The following TSPEAR variants were observed in gnomAD, a reference collection of about 807,000 sequenced individuals.
TSPEAR encodes thrombospondin type laminin G domain and EAR repeats.
In TSPEAR, 69 loss-of-function variants were observed where a neutral mutation model predicts 71.6. The observed-to-expected ratio is 0.96, with a 90% confidence interval of 0.79 to 1.18. The LOEUF is 1.18. Among genes scored for constraint, TSPEAR ranks in the 50% most tolerant of loss-of-function variants. The pLI is 0.00. For synonymous variants in TSPEAR, 402 were observed against 387.2 expected (o/e 1.04, Z -0.45); for missense variants, 971 against 894.9 (o/e 1.09, Z -1.09).
chr21:44,614,232 C>T (rs1981920090), intron 1 of TSPEAR, among the ~76,000 whole-genome samples: 1 of 152,260 alleles, frequency 6.6e-6, no homozygotes, highest in South Asian at 2.1e-4. Context: ...TACACCCATT[C>T]AAGCACAGCA....
intron 1 of TSPEAR, chr21:44,647,021 G>T (rs1213458165): frequency 6.2e-7 from 1 of 1,612,716 alleles, no homozygotes; most frequent in Non-Finnish European, 8.5e-7. Flanking sequence ...CAGCAGGCCT[G>T]CTGCGTGCCT....
rs374059015 is a variant in TSPEAR at position 44,645,888 on chromosome 21, C to A, written c.82+65545G>T. 5.3e-5 allele frequency among the ~76,000 whole-genome samples: 8 copies of A among 151,660 alleles called. No individual in the cohort carries two copies. The South Asian group carries it at 8.4e-4, about 16-fold the overall frequency. On this transcript the variant is annotated intron_variant, in intron 1 of 11. Coordinates refer to ENST00000323084, the MANE Select transcript of TSPEAR (RefSeq NM_144991.3). Reference sequence around the variant, plus strand: ...GACGCGGTGGCTCACGCCTGTAATCCCAGCACTTTGGGAGGCTGAGGCGGG... The same window carrying A: ...GACGCGGTGGCTCACGCCTGTAATCACAGCACTTTGGGAGGCTGAGGCGGG...
At chr21:44,627,309 C>T (rs1555934590) in intron 1 of TSPEAR, 2 of 1,612,838 alleles carry the variant, frequency 1.2e-6, no homozygotes, top group Non-Finnish European at 1.7e-6. Context: ...TGACCCTGGT[C>T]TGCACCCCAG....
intron 1 of TSPEAR, among the ~76,000 whole-genome samples, chr21:44,626,517 G>A (rs1001565038): frequency 6.9e-6 from 1 of 145,982 alleles, no homozygotes; most frequent in Non-Finnish European, 1.5e-5. Context: ...TGCTGCCATT[G>A]TGCCTCAGCA....
At chr21:44,522,364 G>A (rs1158968121) in intron 8 of TSPEAR, among the ~76,000 whole-genome samples, 2 of 152,236 alleles carry the variant, frequency 1.3e-5, no homozygotes, top group African/African-American at 4.8e-5. Context: ...CCTTGGGACA[G>A]GTGTACATCT....
chr21:44,549,515 A>C (rs1381262203), intron 2 of TSPEAR, among the ~76,000 whole-genome samples: 1 of 152,028 alleles, frequency 6.6e-6, no homozygotes, highest in Non-Finnish European at 1.5e-5. Context: ...CAACCCGGAC[A>C]AAAAAAAGAA....
chr21:44,703,284 C>T (rs1288714348), intron 1 of TSPEAR, among the ~76,000 whole-genome samples: 3 of 152,258 alleles, frequency 2.0e-5, no homozygotes, highest in African/African-American at 7.2e-5. Flanking sequence ...GAGTTCCCGG[C>T]TCCCATCCCC....
intron 1 of TSPEAR, among the ~76,000 whole-genome samples, chr21:44,571,919 G>A (rs1451631783): frequency 1.3e-5 from 2 of 152,240 alleles, no homozygotes; most frequent in Non-Finnish European, 2.9e-5. Context: ...ATCCTCAACA[G>A]AGCCCCACAG....
chr21:44,670,743 G>A (rs1986016047), intron 1 of TSPEAR, among the ~76,000 whole-genome samples: 1 of 152,144 alleles, frequency 6.6e-6, no homozygotes, highest in South Asian at 2.1e-4. Context: ...ACCAGGTCCT[G>A]AGCAGCTGTA....
intron 1 of TSPEAR, chr21:44,676,795 A>G: frequency 1.3e-5 from 12 of 902,376 alleles, no homozygotes; most frequent in South Asian, 5.2e-5. Context: ...TGCTTTTGCT[A>G]CTACAGAGTC....
intron 9 of TSPEAR, among the ~76,000 whole-genome samples, chr21:44,512,473 A>G (rs2052419413): frequency 6.6e-6 from 1 of 152,094 alleles, no homozygotes; most frequent in African/African-American, 2.4e-5. Context: ...GACCACTCAG[A>G]GAACCTGGTA....
Position 44,604,372 on chromosome 21 carries a change from C to T in TSPEAR, c.83-36367G>A, listed in dbSNP as rs75619475. ...GAAACGAATAAAAGAGATGGAAATA[C>T]GCAATTATAGGATAAGATGTCCAAT... On this transcript the variant is annotated intron_variant, in intron 1 of 11. Transcript: ENST00000323084. Among the ~76,000 whole-genome samples the T allele has an allele frequency of 3.3e-3, 502 of 151,994 alleles. 3 individuals are homozygous for T. Among genetic ancestry groups the T allele is most frequent in the African/African-American group, 0.011 (469 of 41,458 alleles).
chr21:44,593,277 T>C lies in TSPEAR; in HGVS notation c.83-25272A>G, dbSNP rs1179829634. ...CGCCTGGGGTGGCTCCTCTGTGTGCTCTGCTTCTCCGAGGCTGCCCGTCAG... is the reference window on the plus strand; with the variant it reads ...CGCCTGGGGTGGCTCCTCTGTGTGCCCTGCTTCTCCGAGGCTGCCCGTCAG... On this transcript the variant is annotated intron_variant, in intron 1 of 11. Transcript: ENST00000323084. This position sits in a 1 kb window ranked among gnomAD's most constrained non-coding sequence, Gnocchi z 5.9. Among the ~76,000 whole-genome samples, 1 of 152,144 alleles carries C rather than the reference T, an allele frequency of 6.6e-6. No homozygotes were observed. The highest frequency in any genetic ancestry group is 1.5e-5 in the Non-Finnish European group (1 of 68,022).
At chr21:44,568,341 G>C (rs765142140) in intron 1 of TSPEAR, among the ~76,000 whole-genome samples, 1 of 152,178 alleles carries the variant, frequency 6.6e-6, no homozygotes, top group African/African-American at 2.4e-5. Flanking sequence ...AGGAAGGAAC[G>C]CATGGCCCCA....
rs920557873 is a variant in TSPEAR, at chr21:44,619,162, G to A, written c.83-51157C>T. Among the ~76,000 whole-genome samples, 19 of 152,340 alleles carry A rather than the reference G, an allele frequency of 1.2e-4. 1 individual carries two copies. The highest frequency in any genetic ancestry group is 1.2e-3 in the South Asian group (6 of 4,832). On this transcript the variant is annotated intron_variant, in intron 1 of 11. Coordinates refer to ENST00000323084, the MANE Select transcript of TSPEAR (RefSeq NM_144991.3). The stretch of plus-strand genomic sequence containing the variant: ...AACTCCCCAGCCGAGTGCTGAAGGC[G>A]TGGACCAACATACAGAGCCCAGCTA...
At chr21:44,704,433 C>T (rs570815850) in intron 1 of TSPEAR, among the ~76,000 whole-genome samples, 7 of 152,238 alleles carry the variant, frequency 4.6e-5, no homozygotes, top group African/African-American at 9.6e-5. Flanking sequence ...GAACCCAAAC[C>T]GTGCGGGGTG....
Position 44,550,726 on chromosome 21 carries a change from A to C in TSPEAR, c.304-16803T>G, listed in dbSNP as rs782641919. The C allele has an allele frequency of 3.7e-6, 6 of 1,613,996 alleles. No homozygotes were observed. The African/African-American group carries it at 8.0e-5, about 22-fold the overall frequency. On this transcript the variant is annotated intron_variant, in intron 2 of 11. Transcript: ENST00000323084. ...GACTTTTGGCCTGAGGAAAAGCTGC[A>C]GGAGGCTGGGCGGGAGCACACGGGG...
chr21:44,649,135 G>A (rs1196921653), intron 1 of TSPEAR, among the ~76,000 whole-genome samples: 1 of 152,226 alleles, frequency 6.6e-6, no homozygotes, highest in East Asian at 1.9e-4. Flanking sequence ...GAGCCGGACG[G>A]CTCCTGGGGA....
chr21:44,556,362 G>A (rs1406892756), intron 2 of TSPEAR, among the ~76,000 whole-genome samples: 1 of 151,066 alleles, frequency 6.6e-6, no homozygotes, highest in Non-Finnish European at 1.5e-5. Flanking sequence ...GCAACAGAGT[G>A]ATACCCGCTC....
Sources: allele counts gnomAD v4.1 joint callset (sites outside exome capture counted in the v4.1 genomes callset), GRCh38; gene constraint gnomAD v4.1.1; non-coding constraint Gnocchi (gnomAD v3.1); transcripts MANE v1.5; gene names NCBI Gene and HGNC (gene_info 2026-07-23, HGNC 2026-07-21).